Variants in TRPM1 observed in about 807,000 individuals in gnomAD.
TRPM1 encodes TRPM1-203 APA Isoform, Intron 10.
In TRPM1, 113 loss-of-function variants were observed where a neutral mutation model predicts 149.4. The ratio of observed to expected loss-of-function variants is 0.76; its 90% CI spans 0.65 to 0.88. TRPM1 has a LOEUF of 0.88. TRPM1 is among the 40% of genes least tolerant of loss of function. The pLI, the probability that TRPM1 is intolerant of heterozygous loss-of-function variation, is 0.00. For synonymous variants in TRPM1, 741 were observed against 759.5 expected (o/e 0.98, Z 0.40); for missense variants, 1,976 against 2,038.7 (o/e 0.97, Z 0.59).
intron 27 of TRPM1, among the ~76,000 whole-genome samples, chr15:31,023,575 G>A (rs1411833270): frequency 6.6e-6 from 1 of 152,210 alleles, no homozygotes; most frequent in African/African-American, 2.4e-5. Flanking sequence ...GTGCGTTGGG[G>A]TAGGGATGAA....
rs537215298 is a variant in TRPM1 at position 31,033,370 on chromosome 15, T to C, written c.2701-430A>G. Among the ~76,000 whole-genome samples the C allele has an allele frequency of 8.5e-5, 13 of 152,362 alleles. No individual in the cohort carries two copies. The East Asian group carries it at 2.5e-3, about 29-fold the overall frequency. On this transcript the variant is annotated intron_variant, in intron 21 of 27. Transcript: ENST00000256552. ...AATACCACTAGGAAATGTTTTGATT[T>C]GGCAAAATTCCTTTGCAACTTAGAC...
intron 22 of TRPM1, 189 bp from the exon 23 acceptor site, chr15:31,031,346 G>A (rs2033069707): frequency 3.1e-6 from 2 of 637,884 alleles, no homozygotes; most frequent in Admixed American, 5.0e-5. Context: ...TTTATGCCTA[G>A]AATGTCTTCT....
intron 1 of TRPM1, among the ~76,000 whole-genome samples, chr15:31,113,662 C>T (rs775243694): frequency 1.3e-5 from 2 of 152,028 alleles, no homozygotes; most frequent in Admixed American, 6.6e-5. Flanking sequence ...GTTTTTTGCC[C>T]TCCATCACCC....
chr15:31,057,926 C>T (rs571969477), intron 11 of TRPM1, among the ~76,000 whole-genome samples: 6 of 152,248 alleles, frequency 3.9e-5, no homozygotes, highest in South Asian at 2.1e-4. Flanking sequence ...CATGGGCTGC[C>T]GTGTAAGATG....
intron 27 of TRPM1, among the ~76,000 whole-genome samples, chr15:31,005,982 G>A (rs1404813261): frequency 2.6e-5 from 4 of 152,172 alleles, no homozygotes; most frequent in Non-Finnish European, 5.9e-5. Flanking sequence ...GCATGATAGA[G>A]CTCATAGTGA....
At chr15:31,056,079 T>C (rs563464528) in intron 11 of TRPM1, among the ~76,000 whole-genome samples, 200 of 152,256 alleles carry the variant, frequency 1.3e-3, no homozygotes, top group African/African-American at 4.7e-3. Flanking sequence ...CCTAAACCTT[T>C]AAAAATTGTA....
intron 1 of TRPM1, among the ~76,000 whole-genome samples, chr15:31,145,464 C>A (rs959279959): frequency 2.0e-5 from 3 of 152,206 alleles, no homozygotes; most frequent in African/African-American, 7.2e-5. Flanking sequence ...TTGAACCTGT[C>A]ATATCAAACC....
chr15:31,089,454 T>C (rs142775834), intron 1 of TRPM1, among the ~76,000 whole-genome samples: 5 of 152,232 alleles, frequency 3.3e-5, no homozygotes, highest in East Asian at 3.8e-4. Flanking sequence ...TTGGTGACCA[T>C]GGCCTGCTGA....
At chr15:31,048,995 T>C (rs527825237) in intron 13 of TRPM1, among the ~76,000 whole-genome samples, 1 of 152,290 alleles carries the variant, frequency 6.6e-6, no homozygotes, top group African/African-American at 2.4e-5. Flanking sequence ...CTTAGCTCTA[T>C]GTTTTACCCC....
At chr15:31,154,614 G>A (rs952990117) in intron 1 of TRPM1, among the ~76,000 whole-genome samples, 10 of 152,100 alleles carry the variant, frequency 6.6e-5, no homozygotes, top group Non-Finnish European at 1.0e-4. Flanking sequence ...TCCCAAAGCC[G>A]ACCTCCTTCT....
rs556361327 is a variant in TRPM1, at chr15:31,073,720, T to C, written c.83+3185A>G. 8.5e-5 allele frequency among the ~76,000 whole-genome samples: 13 copies of C among 152,250 alleles called. No homozygotes were observed. The South Asian group carries it at 2.7e-3, about 32-fold the overall frequency. On this transcript the variant is annotated intron_variant, in intron 3 of 27. Transcript: ENST00000256552. Reference sequence around the variant, plus strand: ...CTTTATTTCTCTTACCTAATTGCTTTGGCCTGTACTTCCATTAAAATGTTG... The same window carrying C: ...CTTTATTTCTCTTACCTAATTGCTTCGGCCTGTACTTCCATTAAAATGTTG...
At chr15:31,125,728 TCAAAAAA>T (rs1274742372) in intron 1 of TRPM1, among the ~76,000 whole-genome samples, 1 of 11,744 alleles carries the variant, frequency 8.5e-5, no homozygotes, top group Admixed American at 1.7e-3. Context: ...AGACTCCGTC[TCAAAAAA>T]AAAAAAAAAA....
intron 1 of TRPM1, among the ~76,000 whole-genome samples, chr15:31,096,018 C>T (rs1326234829): frequency 6.7e-6 from 1 of 150,002 alleles, no homozygotes; most frequent in East Asian, 2.0e-4. Context: ...TGCACTTCAG[C>T]CTAGGTGACA....
rs567973829 is a variant in TRPM1 at position 31,088,737 on chromosome 15, C to T, written c.-83-7299G>A. ...TGAGATTGACTGAAGCGGCGGTATT[C>T]GTCTTCCTGCTACCTGTGGGAACGT... On this transcript the variant is annotated intron_variant, in intron 1 of 27. Coordinates refer to ENST00000256552, the MANE Select transcript of TRPM1 (RefSeq NM_001252024.2). Among the ~76,000 whole-genome samples, 667 of 151,226 alleles carry T rather than the reference C, an allele frequency of 4.4e-3. 9 individuals are homozygous for T. The highest frequency in any genetic ancestry group is 0.016 in the African/African-American group (642 of 41,334).
chr15:31,106,224 T>C (rs564436669), upstream of TRPM1, among the ~76,000 whole-genome samples: 16 of 151,980 alleles, frequency 1.1e-4, no homozygotes, highest in African/African-American at 1.7e-4. Context: ...CTGCAACCTC[T>C]GTCTCCTGGG....
At chr15:31,154,178 T>C (rs896396367) in intron 1 of TRPM1, among the ~76,000 whole-genome samples, 7 of 152,266 alleles carry the variant, frequency 4.6e-5, no homozygotes, top group Non-Finnish European at 5.9e-5. Context: ...AAATTTCATT[T>C]TTTGGCAATT....
At position 31,040,269 on chromosome 15, in the gene TRPM1, G is replaced by A. The variant is rs201316211; in HGVS notation, c.2165C>T (p.Thr722Ile). The A allele has an allele frequency of 2.5e-6, 4 of 1,614,086 alleles. No homozygotes were observed. The highest frequency in any genetic ancestry group is 3.4e-6 in the Non-Finnish European group (4 of 1,180,038). The change falls in exon 18 of 28, where the codon ACC becomes ATC. Residue 722 changes from threonine to isoleucine, a missense_variant. This residue lies in a region of TRPM1 where 1,332 missense variants were observed against 1,347.1 expected (regional missense o/e 0.99). Coordinates refer to ENST00000256552, the MANE Select transcript of TRPM1 (RefSeq NM_001252024.2). The surrounding 1 kb of genome is among the most constrained non-coding windows in gnomAD (Gnocchi z 4.2). ...HDEQIAMKLLTYELKNWSNST... is the reference protein window; with the variant it reads ...HDEQIAMKLLIYELKNWSNST... ...GTTGCTCCAGTTTTTCAGCTCGTAG[G>A]TCAGGAGTTTCATAGCGATCTGCTC...
At chr15:31,095,844 G>C (rs991866463) in intron 1 of TRPM1, among the ~76,000 whole-genome samples, 1 of 151,812 alleles carries the variant, frequency 6.6e-6, no homozygotes, top group African/African-American at 2.4e-5. Flanking sequence ...AGGAGTTCGA[G>C]ACCAGCCTGG....
chr15:31,069,861 A>G (rs987857153), intron 4 of TRPM1, 170 bp downstream of exon 4: 2 of 1,574,512 alleles, frequency 1.3e-6, no homozygotes, highest in African/African-American at 1.4e-5. Context: ...TCCAAGCCTC[A>G]TGGCTAAAAG....
Sources: allele counts gnomAD v4.1 joint callset (sites outside exome capture counted in the v4.1 genomes callset), GRCh38; gene constraint gnomAD v4.1.1; regional missense constraint gnomAD v4.1.1; non-coding constraint Gnocchi (gnomAD v3.1); transcripts MANE v1.5; gene names NCBI Gene and HGNC (gene_info 2026-07-23, HGNC 2026-07-21).